The following GPR157 variants were observed in gnomAD, a reference collection of about 807,000 sequenced individuals.
GPR157 encodes the protein G protein-coupled receptor 157.
A neutral mutation model predicts 23.5 loss-of-function variants in GPR157; 16 were observed. The ratio of observed to expected loss-of-function variants is 0.68; its 90% CI spans 0.46 to 1.04. GPR157 has a LOEUF of 1.04. Ranked by LOEUF, GPR157 falls within the 50% of genes least tolerant of loss-of-function variation. The pLI, the probability that GPR157 is intolerant of heterozygous loss-of-function variation, is 0.00. For missense variants in GPR157, 440 were observed against 460.7 expected, an observed-to-expected ratio of 0.96 and a Z score of 0.41; for synonymous variants, 200 against 221.5, an observed-to-expected ratio of 0.90 and a Z score of 0.86.
chr1:9,122,629 C>A (rs1410354988), intron 1 of GPR157, among the ~76,000 whole-genome samples: 1 of 152,042 alleles, frequency 6.6e-6, no homozygotes, highest in Non-Finnish European at 1.5e-5. Context: ...GGATATCCTG[C>A]CAAACATGCA....
At chr1:9,107,116 T>C (rs183545828) in intron 2 of GPR157, among the ~76,000 whole-genome samples, 1 of 152,284 alleles carries the variant, frequency 6.6e-6, no homozygotes, top group African/African-American at 2.4e-5. Context: ...TCCTTGGGCT[T>C]ATTGCTTATC....
intron 2 of GPR157, among the ~76,000 whole-genome samples, chr1:9,109,045 G>C (rs575973794): frequency 8.2e-4 from 124 of 151,502 alleles, no homozygotes; most frequent in Non-Finnish European, 1.5e-3. Context: ...CAAAGTTCTG[G>C]GATTACAGGC....
intron 1 of GPR157, 147 bp from the exon 2 acceptor site, chr1:9,111,636 G>C (rs1235344470): frequency 1.6e-6 from 1 of 641,304 alleles, no homozygotes; most frequent in Non-Finnish European, 2.7e-6. Flanking sequence ...AATAAGAAGG[G>C]GTAGGTGTTG....
At chr1:9,109,946 A>T (rs1186541128) in intron 2 of GPR157, among the ~76,000 whole-genome samples, 2 of 152,174 alleles carry the variant, frequency 1.3e-5, no homozygotes, top group Non-Finnish European at 2.9e-5. Flanking sequence ...ATGGCCTACA[A>T]GATGGGTACA....
chr1:9,111,208 A>C (rs1638483788), intron 2 of GPR157, 68 bp downstream of exon 2: 1 of 1,496,508 alleles, frequency 6.7e-7, no homozygotes, highest in Non-Finnish European at 9.2e-7. Flanking sequence ...GGCCAAACTC[A>C]ATGCCAGGCC....
chr1:9,117,807 A>G (rs1016359599), intron 1 of GPR157, among the ~76,000 whole-genome samples: 1 of 151,998 alleles, frequency 6.6e-6, no homozygotes, highest in Non-Finnish European at 1.5e-5. Flanking sequence ...CAAAAAAACA[A>G]AAAAAACCCC....
rs1468389398 is a variant in GPR157, at chr1:9,105,006, C to A, written c.793-372G>T. On this transcript the variant is annotated intron_variant, in intron 3 of 3. Coordinates refer to ENST00000377411, the MANE Select transcript of GPR157 (RefSeq NM_024980.5). This position sits in a 1 kb window ranked among gnomAD's most constrained non-coding sequence, Gnocchi z 4.8. ...CAAAGCCAGACTCTGTCCCCGCACC[C>A]CCCCCCAAAAAAGAGAAATGGCTGA... Among the ~76,000 whole-genome samples the A allele has an allele frequency of 1.4e-5, 2 of 145,376 alleles. No homozygotes were observed. Among genetic ancestry groups the A allele is most frequent in the African/African-American group, 2.5e-5 (1 of 39,232 alleles).
At chr1:9,124,565 A>G (rs769267046) in intron 1 of GPR157, among the ~76,000 whole-genome samples, 14 of 152,198 alleles carry the variant, frequency 9.2e-5, no homozygotes, top group Non-Finnish European at 1.8e-4. Context: ...CATATGGACA[A>G]CATAGGGCTA....
In GPR157 at chr1:9,102,126, T is replaced by G. The variant is rs10864387; in HGVS notation, c.*2293A>C. On this transcript the variant is annotated 3_prime_UTR_variant, in exon 4 of 4. Transcript: ENST00000377411. The stretch of plus-strand genomic sequence containing the variant: ...AATTTCCATCAAGAAATCTGTTTTC[T>G]TGGACAGGCACAGTGGCTCATGCCT... 78,137 of 151,916 alleles carry G rather than the reference T, an allele frequency of 0.51. 20,450 individuals carry two copies. Among genetic ancestry groups the G allele is most frequent in the Admixed American group, 0.56 (8,568 of 15,264 alleles). 9.4% of individuals were successfully genotyped at this position (151,916 alleles called of 1,614,324 possible).
chr1:9,122,102 G>C (rs987708771), intron 1 of GPR157, among the ~76,000 whole-genome samples: 1 of 152,180 alleles, frequency 6.6e-6, no homozygotes, highest in African/African-American at 2.4e-5. Context: ...CGTGAGGGGA[G>C]GAAGGGCTGC....
At position 9,102,862 on chromosome 1, in the gene GPR157, T is replaced by A. The variant is rs925347452; in HGVS notation, c.*1557A>T. 6.6e-6 allele frequency: 1 copy of A among 152,244 alleles called. No homozygotes were observed. The highest frequency in any genetic ancestry group is 1.5e-5 in the Non-Finnish European group (1 of 68,042). 9.4% of individuals were successfully genotyped at this position (152,244 alleles called of 1,614,324 possible). ...ATGTAAATAATCGCTCCATGCTCCA[T>A]GCCGCCACTTACCTCAGCTGAATAC... On this transcript the variant is annotated 3_prime_UTR_variant, in exon 4 of 4. Transcript: ENST00000377411.
rs538208550 is a variant in GPR157, at chr1:9,118,890, C to T, written c.384-7401G>A. On this transcript the variant is annotated intron_variant, in intron 1 of 3. Coordinates refer to ENST00000377411, the MANE Select transcript of GPR157 (RefSeq NM_024980.5). The surrounding 1 kb of genome is among the most constrained non-coding windows in gnomAD (Gnocchi z 4.6). ...CTCTACAAAAAAATACATAAATTAG[C>T]CAGGCGTGGTGGCACACACCTGAAG... 2.6e-5 allele frequency among the ~76,000 whole-genome samples: 4 copies of T among 152,218 alleles called. No homozygotes were observed. The South Asian group carries it at 8.3e-4, about 32-fold the overall frequency.
Position 9,104,325 on chromosome 1 carries a change from C to A in GPR157, c.*94G>T. 1.1e-6 allele frequency: 1 copy of A among 895,712 alleles called. No homozygotes were observed. The highest frequency in any genetic ancestry group is 2.5e-5 in the East Asian group (1 of 40,428). 55.5% of individuals were successfully genotyped at this position (895,712 alleles called of 1,614,324 possible). A position where few individuals can be genotyped will look rare whatever the true frequency, so the allele number is the denominator to read the frequency against. ...TCAATAGCGGGGGCTTCTGGTGCAG[C>A]AGACATGCACTTCTGCCCCTGCAGC... On this transcript the variant is annotated 3_prime_UTR_variant, in exon 4 of 4. Coordinates refer to ENST00000377411, the MANE Select transcript of GPR157 (RefSeq NM_024980.5).
In GPR157 at chr1:9,104,088, C is replaced by T. The variant is rs1463487695; in HGVS notation, c.*331G>A. 3.2e-5 allele frequency: 10 copies of T among 315,636 alleles called. No individual in the cohort carries two copies. Among genetic ancestry groups the T allele is most frequent in the Non-Finnish European group, 4.9e-5 (8 of 164,254 alleles). The allele number at this position is 315,636 out of a possible 1,614,324, so 19.6% of individuals were successfully genotyped here. On this transcript the variant is annotated 3_prime_UTR_variant, in exon 4 of 4. Coordinates refer to ENST00000377411, the MANE Select transcript of GPR157 (RefSeq NM_024980.5). ...TGGGTCCCTCAGATTGTAAACAGTG[C>T]TGTGTGGTCCTCAGGACATCAAGGT...
chr1:9,128,649 C>G lies in GPR157; in HGVS notation c.379G>C (p.Val127Leu). 6.2e-7 allele frequency: 1 copy of G among 1,612,776 alleles called. No individual in the cohort carries two copies. Among genetic ancestry groups the G allele is most frequent in the Non-Finnish European group, 8.5e-7 (1 of 1,179,792 alleles). The change falls in exon 1 of 4, where the codon GTC (valine) becomes CTC (leucine). Residue 127 changes from valine to leucine, a missense_variant. Val to Leu is a conservative substitution (Grantham distance 32). Transcript: ENST00000377411. This position sits in a 1 kb window ranked among gnomAD's most constrained non-coding sequence, Gnocchi z 6.3. ...TDRLLWAFHV[V>L]SWGVPLVITV... ...AGCAGCGCCACCGCCACCCACCTGA[C>G]GACATGGAAGGCCCAAAGCAGGCGA...
At position 9,105,798 on chromosome 1, in the gene GPR157, T is replaced by C. The variant is rs1326304071; in HGVS notation, c.598-118A>G. ...AGCTCAGGGAGGTAGGGGAGATGTG[T>C]GGTGGAGCCCGGATCCTTCTCCTGA... is the stretch of plus-strand genomic sequence containing the variant. On this transcript the variant is annotated intron_variant, in intron 2 of 3. Transcript: ENST00000377411. This position sits in a 1 kb window ranked among gnomAD's most constrained non-coding sequence, Gnocchi z 4.8. 25 of 807,022 alleles carry C rather than the reference T, an allele frequency of 3.1e-5. No homozygotes were observed. Among genetic ancestry groups the C allele is most frequent in the Non-Finnish European group, 9.7e-6 (5 of 513,586 alleles). The allele number at this position is 807,022 out of a possible 1,614,324, so 50.0% of individuals were successfully genotyped here. A position where few individuals can be genotyped will look rare whatever the true frequency, so the allele number is the denominator to read the frequency against.
At chr1:9,104,704 T>C in intron 3 of GPR157, 70 bp from the exon 4 acceptor site, 1 of 1,191,722 alleles carries the variant, frequency 8.4e-7, no homozygotes, top group Non-Finnish European at 1.2e-6. Flanking sequence ...CTGTTGCAAT[T>C]AAGAGAAACG....
At chr1:9,116,272 AT>A (rs1491145703) in intron 1 of GPR157, among the ~76,000 whole-genome samples, 1 of 12,320 alleles carries the variant, frequency 8.1e-5, no homozygotes, top group Non-Finnish European at 1.1e-4. Flanking sequence ...ATATAATATA[AT>A]TATATATAAA....
Position 9,104,444 on chromosome 1 carries a change from G to A in GPR157, c.983C>T (p.Thr328Ile). The change falls in exon 4 of 4, where the codon ACC becomes ATC. Residue 328 changes from threonine to isoleucine, a missense_variant. Physicochemically the swap from Thr to Ile is moderately conservative, Grantham distance 89. Coordinates refer to ENST00000377411, the MANE Select transcript of GPR157 (RefSeq NM_024980.5). ...KPGESQESQG[T>I]PGELPST ...TCAGGTGCTTGGAAGTTCCCCTGGG[G>A]TCCCTTGGGATTCCTGAGATTCTCC... 1 of 1,613,930 alleles carries A rather than the reference G, an allele frequency of 6.2e-7. No individual in the cohort carries two copies. The highest frequency in any genetic ancestry group is 1.1e-5 in the South Asian group (1 of 91,080).
Sources: gnomAD v4.1 joint callset for allele counts (sites outside exome capture counted in the v4.1 genomes callset) on GRCh38, gnomAD v4.1.1 for gene constraint, Gnocchi (gnomAD v3.1) non-coding constraint, MANE v1.5 for transcripts, NCBI Gene and HGNC (gene_info 2026-07-23, HGNC 2026-07-21) for gene names.